The following BRF1 variants were observed in gnomAD, a reference collection of about 807,000 sequenced individuals.
BRF1 encodes the protein transcription factor IIIB 90 kDa subunit.
BRF1 carries 59 observed loss-of-function variants against 81.7 expected under a neutral mutation model. That is an observed-to-expected ratio of 0.72 (90% CI 0.59 to 0.90). The LOEUF (loss-of-function observed/expected upper bound fraction) is 0.90, where lower values mean the gene tolerates loss of function less well. BRF1 is among the 40% of genes least tolerant of loss of function. BRF1 has a pLI of 0.00. For missense variants in BRF1, 1,050 were observed against 936.3 expected, an observed-to-expected ratio of 1.12 and a Z score of -1.58; for synonymous variants, 491 against 395.6, an observed-to-expected ratio of 1.24 and a Z score of -2.86.
intron 5 of BRF1, chr14:105,249,725 T>C (rs771298932): frequency 8.1e-6 from 13 of 1,613,914 alleles, no homozygotes; most frequent in Non-Finnish European, 1.1e-5. Context: ...CGTCCCAGCA[T>C]TGGCAAAAGC....
chr14:105,254,660 C>T (rs587723716), intron 4 of BRF1, among the ~76,000 whole-genome samples: 23 of 152,248 alleles, frequency 1.5e-4, no homozygotes, highest in South Asian at 4.1e-4. Context: ...CTCAAGGGTT[C>T]AAGCGATTCT....
At chr14:105,265,236 A>G (rs2056357428) in intron 3 of BRF1, among the ~76,000 whole-genome samples, 2 of 151,712 alleles carry the variant, frequency 1.3e-5, no homozygotes, top group African/African-American at 4.8e-5. Flanking sequence ...ACACCTGGCT[A>G]ATTTCTTTTA....
At chr14:105,290,032 A>G (rs2057459329) in intron 1 of BRF1, among the ~76,000 whole-genome samples, 1 of 152,252 alleles carries the variant, frequency 6.6e-6, no homozygotes, top group Non-Finnish European at 1.5e-5. Flanking sequence ...TCACTTTAGA[A>G]AAAGAAAAAT....
intron 6 of BRF1, among the ~76,000 whole-genome samples, chr14:105,229,307 C>T (rs181069510): frequency 2.0e-5 from 3 of 152,262 alleles, no homozygotes; most frequent in East Asian, 3.9e-4. Context: ...GCAGCTGACA[C>T]AGGTTCACCA....
intron 15 of BRF1, among the ~76,000 whole-genome samples, chr14:105,215,709 G>T (rs1419708187): frequency 9.2e-6 from 1 of 108,900 alleles, no homozygotes; most frequent in Non-Finnish European, 1.7e-5. Context: ...CATGCACACA[G>T]GCACACACAC....
chr14:105,288,610 G>C (rs2057402010), intron 1 of BRF1, among the ~76,000 whole-genome samples: 1 of 151,140 alleles, frequency 6.6e-6, no homozygotes, highest in Non-Finnish European at 1.5e-5. Flanking sequence ...GCAACACGGG[G>C]AGACCCATTT....
Position 105,241,329 on chromosome 14 carries a change from G to T in BRF1, c.630C>A (p.Leu210=). ...NHEVSMTALR[L]LQRMKRDWMH... is the part of the protein sequence containing the mutation. ...TCCAGTCCCGCTTCATCCTCTGTAG[G>T]AGCCTCAGGGCAGTCATGGACACCT... The change falls in exon 6 of 18, where the codon CTC becomes CTA. Residue 210 remains leucine, a synonymous_variant. Coordinates refer to ENST00000547530, the MANE Select transcript of BRF1 (RefSeq NM_001519.4). The T allele has an allele frequency of 1.2e-6, 2 of 1,612,788 alleles. No individual in the cohort carries two copies. Among genetic ancestry groups the T allele is most frequent in the Non-Finnish European group, 1.7e-6 (2 of 1,179,946 alleles).
intron 2 of BRF1, among the ~76,000 whole-genome samples, chr14:105,281,978 C>T (rs991272471): frequency 2.6e-5 from 4 of 152,138 alleles, no homozygotes; most frequent in African/African-American, 9.7e-5. Flanking sequence ...GCGTCCCAAA[C>T]GAAAGGCTCA....
rs587622684 is a variant in BRF1 at position 105,248,475 on chromosome 14, T to C, written c.544+4032A>G. The C allele has an allele frequency of 1.0e-4, 102 of 983,330 alleles. No individual in the cohort carries two copies. In the African/African-American group the frequency reaches 1.3e-3, roughly 12 times the overall value. The allele number at this position is 983,330 out of a possible 1,614,324, so 60.9% of individuals were successfully genotyped here. A position where few individuals can be genotyped will look rare whatever the true frequency, so the allele number is the denominator to read the frequency against. On this transcript the variant is annotated intron_variant, in intron 5 of 17. Coordinates refer to ENST00000547530, the MANE Select transcript of BRF1 (RefSeq NM_001519.4). ...GCAGAAGCTCGAGCAGCTTCGAGGA[T>C]GTCGGGCCTGGGGGCGGGGCCGCGA...
intron 11 of BRF1, 23 bp downstream of exon 11, chr14:105,221,625 C>T: frequency 1.2e-6 from 2 of 1,601,094 alleles, no homozygotes; most frequent in Non-Finnish European, 1.7e-6. Context: ...CTCAGCGTCC[C>T]CCAGGGCCCC....
Position 105,229,283 on chromosome 14 carries a change from C to T in BRF1, c.695-370G>A, listed in dbSNP as rs587726755. ...GGAGCCAGGCTGGGCAGGAAAGGGG[C>T]GAGGCCACAGCTGGCAGCTGACACA... On this transcript the variant is annotated intron_variant, in intron 6 of 17. Transcript: ENST00000547530. 2.6e-3 allele frequency among the ~76,000 whole-genome samples: 400 copies of T among 152,336 alleles called. 1 individual carries two copies. The highest frequency in any genetic ancestry group is 0.014 in the South Asian group (67 of 4,830).
At position 105,308,107 on chromosome 14, in the gene BRF1, C is replaced by G. The variant is rs2058243194; in HGVS notation, c.-162+7215G>C. Among the ~76,000 whole-genome samples the G allele has an allele frequency of 1.3e-5, 2 of 152,088 alleles. 1 individual carries two copies. Among genetic ancestry groups the G allele is most frequent in the African/African-American group, 4.8e-5 (2 of 41,416 alleles). ...CTGAGGCAGGAGAATCGCTTGAACC[C>G]AGGTGACTGAGGCTGCAGTGAGTTA... On this transcript the variant is annotated intron_variant, in intron 1 of 17. Transcript: ENST00000327359.
intron 3 of BRF1, among the ~76,000 whole-genome samples, chr14:105,266,590 A>C (rs2056428362): frequency 6.6e-6 from 1 of 152,174 alleles, no homozygotes; most frequent in South Asian, 2.1e-4. Flanking sequence ...GCTGATAAAG[A>C]GTCCTATACA....
At position 105,242,989 on chromosome 14, in the gene BRF1, G is replaced by T. The variant is rs898599631; in HGVS notation, c.545-1575C>A. On this transcript the variant is annotated intron_variant, in intron 5 of 17. Coordinates refer to ENST00000547530, the MANE Select transcript of BRF1 (RefSeq NM_001519.4). ...AAATGAGCTGGGCGTGGTGGTGCAC[G>T]CCTGTAATCCCACCTACTTGGGAGG... is the stretch of plus-strand genomic sequence containing the variant. Among the ~76,000 whole-genome samples, 40 of 151,800 alleles carry T rather than the reference G, an allele frequency of 2.6e-4. 1 individual carries two copies. The highest frequency in any genetic ancestry group is 6.6e-5 in the Admixed American group (1 of 15,212).
intron 5 of BRF1, among the ~76,000 whole-genome samples, chr14:105,251,511 C>CTGTA (rs1464011454): frequency 6.6e-6 from 1 of 152,210 alleles, no homozygotes; most frequent in Non-Finnish European, 1.5e-5. Flanking sequence ...TCTGCATACC[C>CTGTA]TGTAGGCAGT....
intron 3 of BRF1, among the ~76,000 whole-genome samples, chr14:105,265,230 C>T (rs773798352): frequency 4.6e-5 from 7 of 151,974 alleles, no homozygotes; most frequent in Non-Finnish European, 8.8e-5. Flanking sequence ...ACCACCACAC[C>T]TGGCTAATTT....
intron 1 of BRF1, among the ~76,000 whole-genome samples, chr14:105,307,491 G>C (rs895767421): frequency 6.6e-6 from 1 of 151,654 alleles, no homozygotes; most frequent in African/African-American, 2.4e-5. Context: ...GCTTCCCCAC[G>C]TGCCCCTCCT....
chr14:105,312,702 G>C (rs1473732333), intron 1 of BRF1, among the ~76,000 whole-genome samples: 5 of 152,178 alleles, frequency 3.3e-5, no homozygotes, highest in South Asian at 2.1e-4. Flanking sequence ...CAAATAACAA[G>C]TTCTGGCTAA....
At chr14:105,281,631 G>T (rs1055538263) in intron 2 of BRF1, among the ~76,000 whole-genome samples, 3 of 152,192 alleles carry the variant, frequency 2.0e-5, no homozygotes, top group African/African-American at 7.2e-5. Context: ...CACAGTGGAG[G>T]GGGGCACTGA....
Sources: gnomAD v4.1 joint callset for allele counts (sites outside exome capture counted in the v4.1 genomes callset) on GRCh38, gnomAD v4.1.1 for gene constraint, MANE v1.5 for transcripts, NCBI Gene and HGNC (gene_info 2026-07-23, HGNC 2026-07-21) for gene names.